The following VWA3B variants were observed in gnomAD, a reference collection of about 807,000 sequenced individuals.
VWA3B encodes von Willebrand factor A domain-containing protein 3B.
A neutral mutation model predicts 158.3 loss-of-function variants in VWA3B; 138 were observed. The observed-to-expected ratio is 0.87, with a 90% confidence interval of 0.76 to 1.00. VWA3B has a LOEUF of 1.00. Ranked by LOEUF, VWA3B falls within the 50% of genes least tolerant of loss-of-function variation. The pLI is 0.00. For synonymous variants in VWA3B, 596 were observed against 587.3 expected (o/e 1.01, Z -0.21); for missense variants, 1,555 against 1,565.1 (o/e 0.99, Z 0.11).
chr2:98,157,029 A>C (rs892225767), intron 7 of VWA3B, among the ~76,000 whole-genome samples: 1 of 152,048 alleles, frequency 6.6e-6, no homozygotes. Flanking sequence ...ACTGCATTAC[A>C]TTTGCATTTT....
chr2:98,245,283 C>G, intron 19 of VWA3B: 1 of 279,886 alleles, frequency 3.6e-6, no homozygotes, highest in Non-Finnish European at 7.0e-6. Flanking sequence ...AACCTCAGCT[C>G]CCTCCCCACT....
chr2:98,124,975 C>G (rs1252406841), intron 5 of VWA3B, among the ~76,000 whole-genome samples: 1 of 152,188 alleles, frequency 6.6e-6, no homozygotes, highest in Non-Finnish European at 1.5e-5. Context: ...GTGGCAAGAG[C>G]TTTTTACTCA....
At chr2:98,236,296 G>C in intron 17 of VWA3B, 94 bp from the exon 18 acceptor site, 2 of 1,341,618 alleles carry the variant, frequency 1.5e-6, no homozygotes, top group Non-Finnish European at 2.1e-6. Context: ...TTAGCTCTCA[G>C]TCACAGCTGG....
chr2:98,284,498 A>G (rs1187025249), intron 22 of VWA3B, among the ~76,000 whole-genome samples: 1 of 152,244 alleles, frequency 6.6e-6, no homozygotes, highest in African/African-American at 2.4e-5. Flanking sequence ...TTAAATTTTT[A>G]TAGCCAACTG....
chr2:98,123,755 TA>T (rs1289029404), intron 5 of VWA3B, among the ~76,000 whole-genome samples: 1 of 152,136 alleles, frequency 6.6e-6, no homozygotes, highest in Admixed American at 6.5e-5. Context: ...TGCTCTTCAG[TA>T]GCCCTGGTCC....
rs1685225799 is a variant in VWA3B at position 98,230,089 on chromosome 2, A to G, written c.2190A>G (p.Glu730=). The G allele has an allele frequency of 6.2e-7, 1 of 1,606,390 alleles. No individual in the cohort carries two copies. The highest frequency in any genetic ancestry group is 8.5e-7 in the Non-Finnish European group (1 of 1,178,234). Residue 730 remains glutamate, a synonymous_variant, in exon 16 of 28, where the codon GAA becomes GAG. Transcript: ENST00000477737. Reference sequence around the variant, plus strand: ...TCTGTTCTATGATTTCAACCCCAGAAAAGTGTGCAAAGCCTCAATCTGATG... The same window carrying G: ...TCTGTTCTATGATTTCAACCCCAGAGAAGTGTGCAAAGCCTCAATCTGATG... The part of the protein sequence containing the change: ...KEICSMISTP[E]KCAKPQSDVD...
chr2:98,311,960 C>T lies in VWA3B; in HGVS notation c.3663C>T (p.Pro1221=). The T allele has an allele frequency of 6.2e-7, 1 of 1,605,226 alleles. No homozygotes were observed. The highest frequency in any genetic ancestry group is 8.5e-7 in the Non-Finnish European group (1 of 1,175,834). The change falls in exon 27 of 28, where the codon CCC becomes CCT. Residue 1221 remains proline (P), a synonymous_variant. Transcript: ENST00000477737. ...PAKQPLQQAA[P]SDSDGSSHGI... is the part of the protein sequence containing the mutation. ...AGCAGCCACTCCAGCAGGCGGCGCCCTCGGACTCGGACGGCTCCTCCCACG... is the reference window on the plus strand; with the variant it reads ...AGCAGCCACTCCAGCAGGCGGCGCCTTCGGACTCGGACGGCTCCTCCCACG...
At chr2:98,315,336 A>G (rs1381769554), downstream of VWA3B, among the ~76,000 whole-genome samples, 1 of 152,190 alleles carries the variant, frequency 6.6e-6, no homozygotes, top group Non-Finnish European at 1.5e-5. Context: ...TAGTGATGAT[A>G]ATAATAATAC....
intron 6 of VWA3B, among the ~76,000 whole-genome samples, chr2:98,131,473 G>A (rs2105036287): frequency 6.6e-6 from 1 of 152,304 alleles, no homozygotes; most frequent in East Asian, 1.9e-4. Flanking sequence ...CTGGTAGTGG[G>A]ATTGTTGGAT....
Position 98,194,464 on chromosome 2 carries a change from A to T in VWA3B, c.1709A>T (p.Gln570Leu). The change falls in exon 12 of 28, where the codon CAG becomes CTG. Residue 570 changes from glutamine to leucine, a missense_variant. Coordinates refer to ENST00000477737, the MANE Select transcript of VWA3B (RefSeq NM_144992.5). ...GAAGTCAATGAAGATAATTTGGAAC[A>T]GGCTCAGTCCTGGATTAGAGACATA... The part of the protein sequence containing the change: ...LAEVNEDNLE[Q>L]AQSWIRDIKI... 1 of 1,614,162 alleles carries T rather than the reference A, an allele frequency of 6.2e-7. No individual in the cohort carries two copies. Among genetic ancestry groups the T allele is most frequent in the African/African-American group, 1.3e-5 (1 of 75,056 alleles).
chr2:98,312,680 G>A lies in VWA3B; in HGVS notation c.*331G>A. ...CACAGGACTTTCAAATTGTTTAGCA[G>A]TCAGCATAGTCAGGATCCAAGCCCG... On this transcript the variant is annotated 3_prime_UTR_variant, in exon 28 of 28. Coordinates refer to ENST00000477737, the MANE Select transcript of VWA3B (RefSeq NM_144992.5). 1 of 245,390 alleles carries A rather than the reference G, an allele frequency of 4.1e-6. No individual in the cohort carries two copies. The highest frequency in any genetic ancestry group is 7.9e-6 in the Non-Finnish European group (1 of 127,382). The allele number at this position is 245,390 out of a possible 1,614,324, so 15.2% of individuals were successfully genotyped here. A position where few individuals can be genotyped will look rare whatever the true frequency, so the allele number is the denominator to read the frequency against.
intron 21 of VWA3B, among the ~76,000 whole-genome samples, chr2:98,264,147 A>T (rs1335494589): frequency 6.6e-6 from 1 of 151,606 alleles, no homozygotes; most frequent in Non-Finnish European, 1.5e-5. Context: ...AGTCTAGCTA[A>T]GAATTTGTCA....
intron 12 of VWA3B, among the ~76,000 whole-genome samples, chr2:98,201,533 G>A (rs563617864): frequency 6.2e-4 from 95 of 152,268 alleles, no homozygotes; most frequent in African/African-American, 2.2e-3. Flanking sequence ...AACAGGAGTG[G>A]TGAGAGAGAA....
At chr2:98,171,568 C>T (rs552033683) in intron 8 of VWA3B, among the ~76,000 whole-genome samples, 118 of 152,128 alleles carry the variant, frequency 7.8e-4, no homozygotes, top group African/African-American at 2.4e-3. Context: ...AGCAGGGACC[C>T]GATTGTGCTG....
Position 98,121,312 on chromosome 2 carries a change from C to T in VWA3B, c.556C>T (p.Pro186Ser). ...EFNIIRVSQE[P>S]VKWQENATPV... Reference sequence around the variant, plus strand: ...GATCCTTTTCAGGGTTTCTCAAGAGCCTGTGAAGTGGCAGGAAAATGCTAC... The same window carrying T: ...GATCCTTTTCAGGGTTTCTCAAGAGTCTGTGAAGTGGCAGGAAAATGCTAC... The change falls in exon 5 of 28, where the codon CCT (proline) becomes TCT (serine). Residue 186 changes from proline to serine, a missense_variant. Physicochemically the swap from Pro to Ser is moderately conservative, Grantham distance 74. Coordinates refer to ENST00000477737, the MANE Select transcript of VWA3B (RefSeq NM_144992.5). 1.2e-6 allele frequency: 2 copies of T among 1,613,684 alleles called. No individual in the cohort carries two copies. Among genetic ancestry groups the T allele is most frequent in the Non-Finnish European group, 1.7e-6 (2 of 1,179,604 alleles).
chr2:98,151,205 T>G (rs1677599291), intron 7 of VWA3B, among the ~76,000 whole-genome samples: 1 of 151,924 alleles, frequency 6.6e-6, no homozygotes, highest in Non-Finnish European at 1.5e-5. Flanking sequence ...CTCCACCTCC[T>G]GGGTTCAAGC....
rs377686182 is a variant in VWA3B, at chr2:98,230,117, G to A, written c.2218G>A (p.Asp740Asn). The A allele has an allele frequency of 9.3e-6, 15 of 1,611,208 alleles. No homozygotes were observed. Among genetic ancestry groups the A allele is most frequent in the Middle Eastern group, 1.6e-4 (1 of 6,070 alleles). ...EKCAKPQSDV[D>N]STQTSSLNML... Reference sequence around the variant, plus strand: ...GTGTGCAAAGCCTCAATCTGATGTCGATTCAACACAAACTTCATCTCTGAA... The same window carrying A: ...GTGTGCAAAGCCTCAATCTGATGTCAATTCAACACAAACTTCATCTCTGAA... The change falls in exon 16 of 28, where the codon GAT becomes AAT. Residue 740 changes from aspartate (D) to asparagine (N), a missense_variant. By Grantham distance (23) the Asp-to-Asn change is conservative (BLOSUM62 1). Transcript: ENST00000477737.
At chr2:98,119,052 T>G (rs1674747461) in intron 3 of VWA3B, among the ~76,000 whole-genome samples, 1 of 152,176 alleles carries the variant, frequency 6.6e-6, no homozygotes, top group African/African-American at 2.4e-5. Context: ...CAGAAGGATG[T>G]GTAGCTGGGA....
intron 26 of VWA3B, among the ~76,000 whole-genome samples, chr2:98,309,094 C>CA (rs1419751361): frequency 1.3e-5 from 2 of 148,614 alleles, no homozygotes; most frequent in African/African-American, 5.0e-5. Flanking sequence ...CACTTGAACC[C>CA]AGGAGGTAGA....
Sources: allele counts gnomAD v4.1 joint callset (sites outside exome capture counted in the v4.1 genomes callset), GRCh38; gene constraint gnomAD v4.1.1; transcripts MANE v1.5; gene names NCBI Gene and HGNC (gene_info 2026-07-23, HGNC 2026-07-21).